The following CERS6 variants were observed in gnomAD, a reference collection of about 807,000 sequenced individuals.
CERS6 encodes LAG1 homolog, ceramide synthase 6.
Under a neutral mutation model 56.8 loss-of-function variants are expected in CERS6, and 26 were observed. The observed-to-expected ratio is 0.46, with a 90% confidence interval of 0.34 to 0.63. The LOEUF is 0.63. Among genes scored for constraint, CERS6 ranks in the 30% least tolerant of loss-of-function variants. The pLI, the probability that CERS6 is intolerant of heterozygous loss-of-function variation, is 0.01. For missense variants in CERS6, 415 were observed against 467.5 expected, an observed-to-expected ratio of 0.89 and a Z score of 1.04; for synonymous variants, 164 against 173.3, an observed-to-expected ratio of 0.95 and a Z score of 0.42.
At chr2:168,662,123 G>C (rs1246593730) in intron 4 of CERS6, among the ~76,000 whole-genome samples, 4 of 103,282 alleles carry the variant, frequency 3.9e-5, no homozygotes, top group Non-Finnish European at 8.2e-5. Context: ...ATTCAAGGCT[G>C]TCTCTTTTTT....
chr2:168,736,381 C>T (rs1221668024), intron 8 of CERS6, among the ~76,000 whole-genome samples: 1 of 152,062 alleles, frequency 6.6e-6, no homozygotes, highest in African/African-American at 2.4e-5. Flanking sequence ...GGCTGGAGTA[C>T]AGTGGCACAG....
intron 6 of CERS6, among the ~76,000 whole-genome samples, chr2:168,702,617 C>A (rs903510639): frequency 1.3e-5 from 2 of 152,004 alleles, no homozygotes; most frequent in Non-Finnish European, 2.9e-5. Context: ...CACTACTCAG[C>A]GAACCAATAT....
At chr2:168,521,152 C>T (rs539753267) in intron 1 of CERS6, among the ~76,000 whole-genome samples, 7 of 152,210 alleles carry the variant, frequency 4.6e-5, no homozygotes, top group Non-Finnish European at 7.4e-5. Context: ...AGACTGACAA[C>T]GCCGTACAGT....
At chr2:168,605,590 C>T (rs1350600890) in intron 3 of CERS6, among the ~76,000 whole-genome samples, 1 of 152,196 alleles carries the variant, frequency 6.6e-6, no homozygotes, top group Non-Finnish European at 1.5e-5. Context: ...ATGGCACCCC[C>T]TCCCATCACA....
chr2:168,601,556 CTT>C (rs921302488), intron 3 of CERS6, among the ~76,000 whole-genome samples: 3 of 144,084 alleles, frequency 2.1e-5, no homozygotes, highest in Non-Finnish European at 4.6e-5. Flanking sequence ...TTGGCCTTAT[CTT>C]TTTTTTTTTT....
At chr2:168,494,066 G>A (rs938502180) in intron 1 of CERS6, among the ~76,000 whole-genome samples, 1 of 152,128 alleles carries the variant, frequency 6.6e-6, no homozygotes, top group Non-Finnish European at 1.5e-5. Context: ...AGTGTTGTAG[G>A]AGGAATCGTC....
At chr2:168,583,754 T>C (rs946400238) in intron 3 of CERS6, among the ~76,000 whole-genome samples, 1 of 152,222 alleles carries the variant, frequency 6.6e-6, no homozygotes, top group Non-Finnish European at 1.5e-5. Context: ...TTTATTTGCC[T>C]TCCTGCTCTG....
chr2:168,713,722 A>C (rs751498064), intron 6 of CERS6, among the ~76,000 whole-genome samples: 3 of 152,206 alleles, frequency 2.0e-5, no homozygotes, highest in Admixed American at 6.5e-5. Context: ...ACCAGTATGC[A>C]GTATACCTAA....
chr2:168,720,848 G>A (rs1420782893), intron 8 of CERS6, among the ~76,000 whole-genome samples: 4 of 152,070 alleles, frequency 2.6e-5, no homozygotes, highest in Non-Finnish European at 4.4e-5. Context: ...CTCTGAATAG[G>A]TACGGTTCAA....
Position 168,561,282 on chromosome 2 carries a change from CAGG to C in CERS6, c.370_372del (p.Glu124del), listed in dbSNP as rs747585832. 1.2e-6 allele frequency: 2 copies of C among 1,614,014 alleles called. No homozygotes were observed. Among genetic ancestry groups the C allele is most frequent in the Non-Finnish European group, 1.7e-6 (2 of 1,179,990 alleles). On this transcript the variant is annotated inframe_deletion, in exon 3 of 10. Coordinates refer to ENST00000305747, the MANE Select transcript of CERS6 (RefSeq NM_203463.3). ...GCGCTGGTTTCGACAAAGACGCAAT[CAGG>C]AGAAGCCAAGCACGCTGACGAGGTT... is the stretch of plus-strand genomic sequence containing the variant.
chr2:168,471,559 C>T (rs1359269981), intron 1 of CERS6, among the ~76,000 whole-genome samples: 1 of 152,172 alleles, frequency 6.6e-6, no homozygotes, highest in Non-Finnish European at 1.5e-5. Context: ...TTTAAAACAA[C>T]TGTTTATTTT....
At chr2:168,728,741 C>T (rs112730821) in intron 8 of CERS6, among the ~76,000 whole-genome samples, 2,168 of 151,820 alleles carry the variant, frequency 0.014, 61 homozygotes, top group African/African-American at 0.05. Context: ...CGCAGTGGCT[C>T]ATGTCTGTAA....
intron 1 of CERS6, among the ~76,000 whole-genome samples, chr2:168,536,021 G>A (rs1021769610): frequency 6.6e-6 from 1 of 151,842 alleles, no homozygotes; most frequent in Non-Finnish European, 1.5e-5. Context: ...GAAAATCTAG[G>A]ATGTAGAAGA....
rs543654297 is a variant in CERS6, at chr2:168,712,993, T to A, written c.610-2008T>A. 2.6e-5 allele frequency among the ~76,000 whole-genome samples: 4 copies of A among 152,196 alleles called. No homozygotes were observed. In the South Asian group the frequency reaches 8.3e-4, roughly 32 times the overall value. On this transcript the variant is annotated intron_variant, in intron 6 of 9. Coordinates refer to ENST00000305747, the MANE Select transcript of CERS6 (RefSeq NM_203463.3). ...TGCTTCTTTTTCCCCCATAGCACAT[T>A]TTTACCTTCTACTATAAGAGATCAT...
intron 3 of CERS6, among the ~76,000 whole-genome samples, chr2:168,601,880 A>C (rs1027443768): frequency 2.0e-5 from 3 of 152,212 alleles, no homozygotes; most frequent in Non-Finnish European, 2.9e-5. Context: ...CCCTTAAAAA[A>C]CAAATTTTAT....
chr2:168,629,613 CTAT>C (rs1684666015), intron 3 of CERS6, among the ~76,000 whole-genome samples: 5 of 152,130 alleles, frequency 3.3e-5, no homozygotes. Flanking sequence ...TGTTCAACAA[CTAT>C]TAAGAATTTC....
rs369260392 is a variant in CERS6 at position 168,769,639 on chromosome 2, G to T, written c.1132G>T (p.Gly378Cys). The T allele has an allele frequency of 3.1e-6, 5 of 1,610,594 alleles. No individual in the cohort carries two copies. The highest frequency in any genetic ancestry group is 4.2e-6 in the Non-Finnish European group (5 of 1,178,954). The change falls in exon 10 of 10, where the codon GGC becomes TGC. Residue 378 changes from glycine to cysteine, a missense_variant. By Grantham distance (159) the Gly-to-Cys change is radical (BLOSUM62 -3). Transcript: ENST00000305747. ...TSGTNGYLLT[G>C]SCSMDD ...TGGTACCAACGGGTATCTCCTGACT[G>T]GCTCCTGCTCCATGGATGATTAATT... is the stretch of plus-strand genomic sequence containing the variant.
At chr2:168,618,104 A>G (rs1279144988) in intron 3 of CERS6, among the ~76,000 whole-genome samples, 3 of 152,186 alleles carry the variant, frequency 2.0e-5, no homozygotes. Context: ...ATGTGATACA[A>G]CACATAAACA....
At chr2:168,479,935 G>A (rs756178009) in intron 1 of CERS6, among the ~76,000 whole-genome samples, 16 of 152,114 alleles carry the variant, frequency 1.1e-4, no homozygotes, top group Non-Finnish European at 1.8e-4. Context: ...CTTTACTAGC[G>A]TGCCTGTCCT....
Sources: allele counts gnomAD v4.1 joint callset (sites outside exome capture counted in the v4.1 genomes callset), GRCh38; gene constraint gnomAD v4.1.1; transcripts MANE v1.5; gene names NCBI Gene and HGNC (gene_info 2026-07-23, HGNC 2026-07-21).